Variants in ANKRD30B observed in about 807,000 individuals in gnomAD.
The protein encoded by ANKRD30B is ankyrin repeat domain-containing protein 30B.
Under a neutral mutation model 202.2 loss-of-function variants are expected in ANKRD30B, and 144 were observed. The ratio of observed to expected loss-of-function variants is 0.71; its 90% CI spans 0.62 to 0.82. ANKRD30B has a LOEUF of 0.82. Ranked by LOEUF, ANKRD30B falls within the 40% of genes least tolerant of loss-of-function variation. The pLI is 0.00. For synonymous variants in ANKRD30B, 508 were observed against 561.3 expected, an observed-to-expected ratio of 0.91 and a Z score of 1.34; for missense variants, 1,487 against 1,669.1, an observed-to-expected ratio of 0.89 and a Z score of 1.90.
rs1212009967 is a variant in ANKRD30B at position 14,854,371 on chromosome 18, G to A, written c.*213G>A. Among the ~76,000 whole-genome samples, 2 of 152,168 alleles carry A rather than the reference G, an allele frequency of 1.3e-5. No individual in the cohort carries two copies. The highest frequency in any genetic ancestry group is 2.9e-5 in the Non-Finnish European group (2 of 68,040). On this transcript the variant is annotated 3_prime_UTR_variant, in exon 44 of 44. Coordinates refer to ENST00000690538, the MANE Select transcript of ANKRD30B (RefSeq NM_001367607.2). ...CCTAAACCACCCACCTCACAGCATA[G>A]TGCAGAGATGTCCTGGCAGTGCTTC...
At chr18:14,810,323 A>G in intron 28 of ANKRD30B, 143 bp downstream of exon 28, 4 of 570,288 alleles carry the variant, frequency 7.0e-6, no homozygotes, top group Non-Finnish European at 1.1e-5. Flanking sequence ...GTTAGTATTT[A>G]TGTTTGAGAA....
chr18:14,916,751 C>T, the ANKRD30B span, among the ~76,000 whole-genome samples: 1 of 152,156 alleles, frequency 6.6e-6, no homozygotes, highest in African/African-American at 2.4e-5. Context: ...AATGTGAAGG[C>T]CAACAAGAAT....
the ANKRD30B span, among the ~76,000 whole-genome samples, chr18:14,872,446 C>T: frequency 1.3e-5 from 2 of 152,112 alleles, no homozygotes; most frequent in Non-Finnish European, 2.9e-5. Context: ...TGGGAAGAGA[C>T]CTTGTTTTTT....
chr18:14,899,817 A>G, the ANKRD30B span, among the ~76,000 whole-genome samples: 2 of 152,142 alleles, frequency 1.3e-5, no homozygotes, highest in Admixed American at 6.5e-5. Context: ...TATTTAACTC[A>G]TTGTTCTTTA....
In ANKRD30B at chr18:14,796,117, C is replaced by T. The variant is rs984199620; in HGVS notation, c.1826-104C>T. 5 of 1,262,174 alleles carry T rather than the reference C, an allele frequency of 4.0e-6. No homozygotes were observed. In the African/African-American group the frequency reaches 7.4e-5, roughly 19 times the overall value. The allele number at this position is 1,262,174 out of a possible 1,614,324, so 78.2% of individuals were successfully genotyped here. A position where few individuals can be genotyped will look rare whatever the true frequency, so the allele number is the denominator to read the frequency against. ...CCCAAAACCTAGTGTAATCCCTTTT[C>T]AATCCAAGCATGAGGATTCATCTTC... On this transcript the variant is annotated intron_variant, in intron 16 of 43. Coordinates refer to ENST00000690538, the MANE Select transcript of ANKRD30B (RefSeq NM_001367607.2).
chr18:14,865,041 C>T, the ANKRD30B span, among the ~76,000 whole-genome samples: 16 of 151,552 alleles, frequency 1.1e-4, no homozygotes, highest in Admixed American at 8.5e-4. Flanking sequence ...TTTTCCCCAT[C>T]GCCTTTTTCC....
chr18:14,794,094 C>A (rs949369534), intron 16 of ANKRD30B, among the ~76,000 whole-genome samples: 1 of 152,032 alleles, frequency 6.6e-6, no homozygotes, highest in African/African-American at 2.4e-5. Context: ...ATTTCAATAG[C>A]CATTACAAAT....
the ANKRD30B span, among the ~76,000 whole-genome samples, chr18:14,865,633 A>G: frequency 6.9e-6 from 1 of 144,256 alleles, no homozygotes; most frequent in African/African-American, 2.6e-5. Flanking sequence ...TTTTCCCAAC[A>G]TCTTTTCCTC....
the ANKRD30B span, among the ~76,000 whole-genome samples, chr18:14,883,156 T>C: frequency 6.6e-6 from 1 of 152,002 alleles, no homozygotes; most frequent in Non-Finnish European, 1.5e-5. Flanking sequence ...GAAGCAGGCA[T>C]AGTTTCTGAA....
the ANKRD30B span, among the ~76,000 whole-genome samples, chr18:14,876,162 T>TG: frequency 1.8e-3 from 182 of 99,414 alleles, no homozygotes; most frequent in African/African-American, 7.9e-3. Context: ...GACATAGATC[T>TG]GGAAAAAAAA....
At chr18:14,825,235 G>T (rs910960222) in intron 32 of ANKRD30B, 1 of 152,124 alleles carries the variant, frequency 6.6e-6, no homozygotes, top group Non-Finnish European at 1.5e-5. Flanking sequence ...CACCTGCCGG[G>T]TCCATCCCAT....
the ANKRD30B span, among the ~76,000 whole-genome samples, chr18:14,914,673 T>C: frequency 6.6e-6 from 1 of 152,080 alleles, no homozygotes; most frequent in Non-Finnish European, 1.5e-5. Context: ...GAAGTAAGGG[T>C]GTTGAGTTTC....
chr18:14,771,564 T>C (rs1165467707), intron 8 of ANKRD30B, among the ~76,000 whole-genome samples: 2 of 152,204 alleles, frequency 1.3e-5, no homozygotes, highest in Non-Finnish European at 2.9e-5. Context: ...TAGGTTCAGC[T>C]TTTCAACATT....
chr18:14,877,941 A>G, the ANKRD30B span: 1 of 152,158 alleles, frequency 6.6e-6, no homozygotes, highest in Admixed American at 6.5e-5. Flanking sequence ...TGTAAGTGCT[A>G]CTGTTCTTTT....
chr18:14,811,525 A>G (rs1451344705), intron 28 of ANKRD30B, among the ~76,000 whole-genome samples: 3 of 148,754 alleles, frequency 2.0e-5, no homozygotes, highest in Non-Finnish European at 4.5e-5. Flanking sequence ...GTCTTTTTAC[A>G]CTAGTACCAT....
chr18:14,819,699 T>A (rs1489239863), intron 30 of ANKRD30B, among the ~76,000 whole-genome samples: 1 of 151,936 alleles, frequency 6.6e-6, no homozygotes, highest in Non-Finnish European at 1.5e-5. Flanking sequence ...TTCTGAGGGC[T>A]CTGTTCTGTT....
At chr18:14,905,966 G>C in the ANKRD30B span, 1 of 152,026 alleles carries the variant, frequency 6.6e-6, no homozygotes, top group Non-Finnish European at 1.5e-5. Flanking sequence ...CTGGAATTCA[G>C]TTTTTTGGGT....
intron 34 of ANKRD30B, among the ~76,000 whole-genome samples, chr18:14,832,269 GAGGA>G (rs1315548699): frequency 1.3e-5 from 2 of 152,140 alleles, no homozygotes; most frequent in Non-Finnish European, 1.5e-5. Context: ...TAAGGCATGT[GAGGA>G]TGTTTTCTAA....
the ANKRD30B span, among the ~76,000 whole-genome samples, chr18:14,889,516 G>A: frequency 1.3e-5 from 2 of 151,956 alleles, no homozygotes; most frequent in Non-Finnish European, 2.9e-5. Context: ...TACATATTTT[G>A]CATTGTAGTG....
Sources: gnomAD v4.1 joint callset for allele counts (sites outside exome capture counted in the v4.1 genomes callset) on GRCh38, gnomAD v4.1.1 for gene constraint, MANE v1.5 for transcripts, NCBI Gene and HGNC (gene_info 2026-07-23, HGNC 2026-07-21) for gene names.